The following CPXM2 variants were observed in gnomAD, a reference collection of about 807,000 sequenced individuals.
CPXM2 encodes the protein carboxypeptidase X, M14 family member 2.
A neutral mutation model predicts 86.1 loss-of-function variants in CPXM2; 66 were observed. The ratio of observed to expected loss-of-function variants is 0.77; its 90% confidence interval spans 0.63 to 0.94. The LOEUF (loss-of-function observed/expected upper bound fraction) is 0.94. Ranked by LOEUF, CPXM2 falls within the 40% of genes least tolerant of loss-of-function variation. CPXM2 has a pLI of 0.00. For missense variants in CPXM2, 948 were observed against 1,026.3 expected (o/e 0.92, Z 1.04); for synonymous variants, 388 against 400.2 (o/e 0.97, Z 0.36).
chr10:123,869,722 C>T (rs1303599094), intron 2 of CPXM2, among the ~76,000 whole-genome samples: 1 of 152,206 alleles, frequency 6.6e-6, no homozygotes. Context: ...GCAGTCTCTG[C>T]ATTACATATG....
intron 2 of CPXM2, among the ~76,000 whole-genome samples, chr10:123,905,477 G>A (rs563874095): frequency 6.6e-6 from 1 of 152,320 alleles, no homozygotes; most frequent in African/African-American, 2.4e-5. Flanking sequence ...GCATTGGACA[G>A]ATGACCCTGC....
Position 123,835,238 on chromosome 10 carries a change from G to A in CPXM2, c.653+7111C>T, listed in dbSNP as rs146645927. 9.4e-3 allele frequency among the ~76,000 whole-genome samples: 1,433 copies of A among 152,170 alleles called. 25 individuals are homozygous for A. Among genetic ancestry groups the A allele is most frequent in the African/African-American group, 0.033 (1,349 of 41,494 alleles). On this transcript the variant is annotated intron_variant, in intron 4 of 13. Transcript: ENST00000241305. ...GAGTGTGCCCAGCAACCATCTGGGG[G>A]GTTTCCTGGGGAGTCACACCTGGGG...
chr10:123,858,124 G>A (rs79960539), intron 3 of CPXM2, among the ~76,000 whole-genome samples: 15,475 of 152,218 alleles, frequency 0.1, 941 homozygotes, highest in East Asian at 0.32. Flanking sequence ...CTGCTTCTGT[G>A]TCATAATGAC....
Position 123,761,897 on chromosome 10 carries a change from C to G in CPXM2, c.1752G>C (p.Gly584=). ...DFQKEEGTVN[G]ASWHTVAGSL... ...TTCCAGCGACGGTGTGCCAGGAGGCCCCATTGACAGTGCCCTCCTCCTTCT... is the reference window on the plus strand; with the variant it reads ...TTCCAGCGACGGTGTGCCAGGAGGCGCCATTGACAGTGCCCTCCTCCTTCT... The change falls in exon 11 of 14, where the codon GGG becomes GGC. Residue 584 remains glycine (G), a synonymous_variant. Transcript: ENST00000241305. 6.2e-7 allele frequency: 1 copy of G among 1,613,698 alleles called. No homozygotes were observed. The highest frequency in any genetic ancestry group is 8.5e-7 in the Non-Finnish European group (1 of 1,179,894).
chr10:123,876,641 T>C (rs545284766), intron 2 of CPXM2, among the ~76,000 whole-genome samples: 3 of 152,356 alleles, frequency 2.0e-5, no homozygotes, highest in African/African-American at 7.2e-5. Flanking sequence ...TTTAAATGGT[T>C]ATATAAGCAC....
intron 1 of CPXM2, among the ~76,000 whole-genome samples, chr10:123,889,922 T>C (rs1945240119): frequency 6.6e-6 from 1 of 151,928 alleles, no homozygotes; most frequent in African/African-American, 2.4e-5. Flanking sequence ...TTGCAGGCAC[T>C]TAAAAAAAAA....
At chr10:123,883,608 T>C (rs1039746629) in intron 1 of CPXM2, among the ~76,000 whole-genome samples, 5 of 152,342 alleles carry the variant, frequency 3.3e-5, no homozygotes, top group African/African-American at 1.2e-4. Flanking sequence ...TAACAGCTAA[T>C]GTGCATAGCA....
chr10:123,858,215 G>A (rs117579304), intron 3 of CPXM2, among the ~76,000 whole-genome samples: 4 of 152,304 alleles, frequency 2.6e-5, no homozygotes, highest in African/African-American at 7.2e-5. Context: ...CTGCCCGGCC[G>A]CCTCCTAGGC....
intron 1 of CPXM2, among the ~76,000 whole-genome samples, chr10:123,881,195 T>C (rs1945082979): frequency 1.4e-5 from 2 of 138,280 alleles, no homozygotes; most frequent in Non-Finnish European, 1.6e-5. Context: ...TCACCAGAAC[T>C]GTGTACTATG....
Position 123,888,917 on chromosome 10 carries a change from G to A in CPXM2, c.304+2439C>T, listed in dbSNP as rs80039099. On this transcript the variant is annotated intron_variant, in intron 1 of 13. Coordinates refer to ENST00000241305, the MANE Select transcript of CPXM2 (RefSeq NM_198148.3). The stretch of plus-strand genomic sequence containing the variant: ...TTTCAGTATGGGGCTTGGAGATCCC[G>A]GTGGATGCCAGGGCTGCGGTGAACT... Among the ~76,000 whole-genome samples, 800 of 152,296 alleles carry A rather than the reference G, an allele frequency of 5.3e-3. 9 individuals are homozygous for A. The highest frequency in any genetic ancestry group is 0.018 in the African/African-American group (761 of 41,556).
intron 4 of CPXM2, among the ~76,000 whole-genome samples, chr10:123,841,015 A>G (rs563742366): frequency 1.3e-5 from 2 of 152,344 alleles, no homozygotes; most frequent in South Asian, 2.1e-4. Flanking sequence ...TGCAGTATAG[A>G]TGGGAGGGTT....
intron 13 of CPXM2, chr10:123,752,539 G>C (rs1846101898): frequency 6.1e-6 from 6 of 985,372 alleles, no homozygotes; most frequent in Non-Finnish European, 7.2e-6. Flanking sequence ...GGATACATGG[G>C]CCAGGTCTGA....
At chr10:123,916,040 A>G (rs1175251767) in intron 2 of CPXM2, among the ~76,000 whole-genome samples, 1 of 152,176 alleles carries the variant, frequency 6.6e-6, no homozygotes, top group African/African-American at 2.4e-5. Context: ...CACTTGGCAT[A>G]AGGCTGCTCT....
intron 4 of CPXM2, among the ~76,000 whole-genome samples, chr10:123,830,912 TTCTC>T (rs1435823278): frequency 3.0e-5 from 4 of 132,578 alleles, no homozygotes; most frequent in South Asian, 2.5e-4. Context: ...GTGTGTGTCT[TTCTC>T]TCTCTCTTTC....
intron 13 of CPXM2, among the ~76,000 whole-genome samples, chr10:123,752,944 A>C (rs1276025485): frequency 6.6e-6 from 1 of 152,166 alleles, no homozygotes; most frequent in Non-Finnish European, 1.5e-5. Context: ...AGCAGAGTAC[A>C]CATGAGCCTC....
In CPXM2 at chr10:123,904,903, C is replaced by CTCTTCATTACA; in HGVS notation, n.175-24595_175-24594insTGTAATGAAGA. Among the ~76,000 whole-genome samples the CTCTTCATTACA allele has an allele frequency of 2.6e-5, 4 of 151,570 alleles. 2 individuals carry two copies. Among genetic ancestry groups the CTCTTCATTACA allele is most frequent in the African/African-American group, 4.8e-5 (2 of 41,326 alleles). ...CACCCACCCACCTGGAGGGCCCGAG[C>CTCTTCATTACA]TCTGCATCACACCTGCATCCTAGTG... is the stretch of plus-strand genomic sequence containing the variant. On this transcript the variant is annotated intron_variant and non_coding_transcript_variant, in intron 2 of 19. Transcript: ENST00000368854.
upstream of CPXM2, among the ~76,000 whole-genome samples, chr10:123,941,377 A>G (rs1394293048): frequency 1.3e-5 from 2 of 151,976 alleles, no homozygotes; most frequent in African/African-American, 4.8e-5. Context: ...CAGCAGGTCA[A>G]TCTCTGCCTC....
chr10:123,813,983 G>A (rs1847751034), intron 4 of CPXM2, among the ~76,000 whole-genome samples: 1 of 152,182 alleles, frequency 6.6e-6, no homozygotes, highest in Admixed American at 6.5e-5. Context: ...GCCAATCACA[G>A]TACCTTGATA....
chr10:123,827,719 A>T (rs1848077618), intron 4 of CPXM2, among the ~76,000 whole-genome samples: 1 of 152,214 alleles, frequency 6.6e-6, no homozygotes, highest in Non-Finnish European at 1.5e-5. Flanking sequence ...AGATTATTTT[A>T]AAATTAATAT....
Sources: gnomAD v4.1 joint callset for allele counts (sites outside exome capture counted in the v4.1 genomes callset) on GRCh38, gnomAD v4.1.1 for gene constraint, MANE v1.5 for transcripts, NCBI Gene and HGNC (gene_info 2026-07-23, HGNC 2026-07-21) for gene names.